The following BCAT1 variants were observed in gnomAD, a reference collection of about 807,000 sequenced individuals.
The protein encoded by BCAT1 is branched chain amino acid transaminase 1.
Under a neutral mutation model 52.4 loss-of-function variants are expected in BCAT1, and 48 were observed. That is an observed-to-expected ratio of 0.92 (90% confidence interval 0.73 to 1.16). The LOEUF (loss-of-function observed/expected upper bound fraction) is 1.16, where lower values mean the gene tolerates loss of function less well. BCAT1 is among the 50% of genes most tolerant of loss of function. The pLI, the probability that BCAT1 is intolerant of heterozygous loss-of-function variation, is 0.00. For synonymous variants in BCAT1, 167 were observed against 161.3 expected, an observed-to-expected ratio of 1.04 and a Z score of -0.27; for missense variants, 451 against 457.1, an observed-to-expected ratio of 0.99 and a Z score of 0.12.
intron 1 of BCAT1, among the ~76,000 whole-genome samples, chr12:24,930,549 C>A (rs1420438687): frequency 6.6e-6 from 1 of 152,204 alleles, no homozygotes; most frequent in Non-Finnish European, 1.5e-5. Context: ...CAAGTGTTCG[C>A]AAGCTACAGA....
intron 5 of BCAT1, among the ~76,000 whole-genome samples, chr12:24,859,992 T>C (rs1941809197): frequency 6.6e-6 from 1 of 152,220 alleles, no homozygotes; most frequent in African/African-American, 2.4e-5. Context: ...TATGACTTAG[T>C]TTATGTTATC....
At chr12:24,833,369 A>G (rs1322374416) in intron 8 of BCAT1, among the ~76,000 whole-genome samples, 6 of 151,938 alleles carry the variant, frequency 3.9e-5, no homozygotes, top group Non-Finnish European at 5.9e-5. Flanking sequence ...AAATACAAAA[A>G]TTAGCCAGGC....
chr12:24,822,056 G>A (rs1016898409), intron 10 of BCAT1, among the ~76,000 whole-genome samples: 1 of 152,128 alleles, frequency 6.6e-6, no homozygotes, highest in Admixed American at 6.6e-5. Context: ...TGAGTAACTG[G>A]AACAGTAAGG....
chr12:24,823,787 G>T (rs1940253781), intron 10 of BCAT1, among the ~76,000 whole-genome samples: 1 of 152,148 alleles, frequency 6.6e-6, no homozygotes, highest in South Asian at 2.1e-4. Context: ...CCCCAGCCAT[G>T]TCTCCTGTAT....
At chr12:24,837,773 A>G (rs7968890) in intron 7 of BCAT1, among the ~76,000 whole-genome samples, 68,435 of 151,798 alleles carry the variant, frequency 0.45, 15,751 homozygotes, top group East Asian at 0.62. Context: ...AGCATCAGCA[A>G]CAAGTATGGA....
rs902065658 is a variant in BCAT1 at position 24,875,996 on chromosome 12, C to A, written c.510+2534G>T. 2.0e-5 allele frequency among the ~76,000 whole-genome samples: 3 copies of A among 151,948 alleles called. No individual in the cohort carries two copies. In the East Asian group the frequency reaches 5.8e-4, roughly 29 times the overall value. ...CTTAGCTTATCCTATCTTAAATGTG[C>A]TCAGAACAATTACATTAGCCTATGG... On this transcript the variant is annotated intron_variant, in intron 5 of 10. Coordinates refer to ENST00000261192, the MANE Select transcript of BCAT1 (RefSeq NM_005504.7).
chr12:24,816,213 C>T lies in BCAT1; in HGVS notation c.*1795G>A, dbSNP rs1332999011. ...TAAAAGTTTTGGAAAAGAATCAAAG[C>T]CCATTTTCTATGTGTTGCTAAATGC... On this transcript the variant is annotated 3_prime_UTR_variant, in exon 11 of 11. Coordinates refer to ENST00000261192, the MANE Select transcript of BCAT1 (RefSeq NM_005504.7). 3.3e-5 allele frequency: 10 copies of T among 298,704 alleles called. No homozygotes were observed. In the East Asian group the frequency reaches 4.8e-4, roughly 14 times the overall value. The allele number at this position is 298,704 out of a possible 1,614,324, so 18.5% of individuals were successfully genotyped here.
At chr12:24,913,043 A>G (rs2139705272) in intron 1 of BCAT1, among the ~76,000 whole-genome samples, 1 of 152,284 alleles carries the variant, frequency 6.6e-6, no homozygotes, top group African/African-American at 2.4e-5. Flanking sequence ...ATTTTAATGG[A>G]CAGTTTTTGT....
intron 6 of BCAT1, among the ~76,000 whole-genome samples, chr12:24,849,178 C>T (rs1300574664): frequency 1.3e-5 from 2 of 152,386 alleles, no homozygotes; most frequent in East Asian, 1.9e-4. Context: ...GCCAAGTCCA[C>T]CCCTGAAATC....
At chr12:24,898,726 G>A (rs1182002766) in intron 2 of BCAT1, among the ~76,000 whole-genome samples, 2 of 151,664 alleles carry the variant, frequency 1.3e-5, no homozygotes, top group African/African-American at 2.4e-5. Context: ...ATGTTGGCCA[G>A]GCTAGTCTCA....
chr12:24,870,998 G>C (rs552503061), intron 5 of BCAT1, among the ~76,000 whole-genome samples: 67 of 152,150 alleles, frequency 4.4e-4, no homozygotes, highest in African/African-American at 1.5e-3. Flanking sequence ...ACTCCAGCCT[G>C]GGCAACAGAG....
intron 5 of BCAT1, among the ~76,000 whole-genome samples, chr12:24,875,088 T>C (rs969554434): frequency 3.3e-5 from 5 of 150,094 alleles, no homozygotes; most frequent in African/African-American, 9.8e-5. Flanking sequence ...AGGCCCATCA[T>C]AGAAACATGC....
intron 9 of BCAT1, chr12:24,830,249 A>C (rs1033904809): frequency 5.6e-6 from 1 of 177,780 alleles, no homozygotes; most frequent in African/African-American, 2.4e-5. Context: ...GATTCTGAGA[A>C]TCTGTAAGGA....
In BCAT1 at chr12:24,817,735, T is replaced by G. The variant is rs1939934058; in HGVS notation, c.*273A>C. 2 of 385,144 alleles carry G rather than the reference T, an allele frequency of 5.2e-6. No individual in the cohort carries two copies. Among genetic ancestry groups the G allele is most frequent in the Non-Finnish European group, 9.4e-6 (2 of 212,010 alleles). 23.9% of individuals were successfully genotyped at this position (385,144 alleles called of 1,614,324 possible). A position where few individuals can be genotyped will look rare whatever the true frequency, so the allele number is the denominator to read the frequency against. On this transcript the variant is annotated 3_prime_UTR_variant, in exon 11 of 11. Coordinates refer to ENST00000261192, the MANE Select transcript of BCAT1 (RefSeq NM_005504.7). ...TGAAGTACAAAAGGAGGCACTAAAA[T>G]CATTGAGGAAAATCCCATGTTATAT...
intron 2 of BCAT1, among the ~76,000 whole-genome samples, chr12:24,896,212 A>C (rs1473612656): frequency 6.6e-6 from 1 of 152,188 alleles, no homozygotes; most frequent in East Asian, 1.9e-4. Context: ...TACTAAGTAT[A>C]ATAAGTTTAT....
intron 5 of BCAT1, among the ~76,000 whole-genome samples, chr12:24,875,286 T>A (rs1326634060): frequency 1.3e-5 from 2 of 152,240 alleles, no homozygotes; most frequent in African/African-American, 4.8e-5. Context: ...TAAATCCATA[T>A]ACATTATTGG....
chr12:24,904,770 T>C (rs1414646490), intron 1 of BCAT1: 1 of 152,264 alleles, frequency 6.6e-6, no homozygotes, highest in East Asian at 1.9e-4. Flanking sequence ...ACTGGGCTAG[T>C]TGCTGGGGGA....
chr12:24,841,614 G>A (rs775943286), intron 7 of BCAT1, among the ~76,000 whole-genome samples: 7 of 152,040 alleles, frequency 4.6e-5, no homozygotes, highest in African/African-American at 1.7e-4. Context: ...TCTTTAAATC[G>A]AAACTCGGCC....
At chr12:24,902,306 A>C in intron 1 of BCAT1, 3 of 1,284,670 alleles carry the variant, frequency 2.3e-6, no homozygotes, top group Non-Finnish European at 3.0e-6. Flanking sequence ...ACAGACGCAC[A>C]ATAGCAAGCC....
Sources: gnomAD v4.1 joint callset for allele counts (sites outside exome capture counted in the v4.1 genomes callset) on GRCh38, gnomAD v4.1.1 for gene constraint, MANE v1.5 for transcripts, NCBI Gene and HGNC (gene_info 2026-07-23, HGNC 2026-07-21) for gene names.